CTDSPL2: variants seen among roughly 807,000 people sequenced by gnomAD.
CTDSPL2 encodes CTD small phosphatase like 2.
In CTDSPL2, 5 loss-of-function variants were observed where a neutral mutation model predicts 60.0. The observed-to-expected ratio is 0.08, with a 90% CI of 0.04 to 0.18. The LOEUF is 0.18. CTDSPL2 is among the 10% of genes least tolerant of loss of function. CTDSPL2 has a pLI of 1.00. For synonymous variants in CTDSPL2, 186 were observed against 189.3 expected, an observed-to-expected ratio of 0.98 and a Z score of 0.14; for missense variants, 370 against 548.8, an observed-to-expected ratio of 0.67 and a Z score of 3.26.
intron 12 of CTDSPL2, among the ~76,000 whole-genome samples, chr15:44,522,744 CTT>C (rs2081803793): frequency 6.6e-6 from 1 of 152,110 alleles, no homozygotes; most frequent in South Asian, 2.1e-4. Context: ...CAGAGTGAGA[CTT>C]TGTCTCAAAA....
chr15:44,472,568 G>C (rs1324165214), intron 2 of CTDSPL2, among the ~76,000 whole-genome samples: 2 of 147,502 alleles, frequency 1.4e-5, no homozygotes, highest in African/African-American at 5.0e-5. Context: ...GCATGATCTC[G>C]GTTCATTGCA....
chr15:44,504,593 G>T (rs1649940312), intron 8 of CTDSPL2, among the ~76,000 whole-genome samples: 1 of 152,024 alleles, frequency 6.6e-6, no homozygotes, highest in African/African-American at 2.4e-5. Context: ...AACTTTTGAG[G>T]CCGGGGCAGT....
chr15:44,486,300 T>G (rs764462163), intron 3 of CTDSPL2, among the ~76,000 whole-genome samples: 3 of 152,226 alleles, frequency 2.0e-5, no homozygotes, highest in Non-Finnish European at 2.9e-5. Context: ...TTTCAGTCTA[T>G]AGGTGTAAAT....
rs746738638 is a variant in CTDSPL2 at position 44,499,831 on chromosome 15, G to T, written c.969+18G>T. 18 of 1,495,072 alleles carry T rather than the reference G, an allele frequency of 1.2e-5. No individual in the cohort carries two copies. The highest frequency in any genetic ancestry group is 1.6e-5 in the Non-Finnish European group (17 of 1,077,790). 92.6% of individuals were successfully genotyped at this position (1,495,072 alleles called of 1,614,324 possible). On this transcript the variant is annotated intron_variant, in intron 8 of 12. Transcript: ENST00000260327. ...TTTATCAGGTAATTAAAATTTTTTT[G>T]ATGATTTTTGGCCTGATAGGTAACA... is the stretch of plus-strand genomic sequence containing the variant.
At chr15:44,467,661 C>T (rs865783652) in intron 2 of CTDSPL2, among the ~76,000 whole-genome samples, 2 of 152,124 alleles carry the variant, frequency 1.3e-5, no homozygotes, top group Non-Finnish European at 2.9e-5. Flanking sequence ...ACAACCTCTG[C>T]CTCCTGGGTT....
chr15:44,462,601 C>T (rs909670549), intron 2 of CTDSPL2, among the ~76,000 whole-genome samples: 1 of 151,698 alleles, frequency 6.6e-6, no homozygotes, highest in Non-Finnish European at 1.5e-5. Context: ...GCTGGCTCAC[C>T]GCTCACCTCC....
intron 1 of CTDSPL2, among the ~76,000 whole-genome samples, chr15:44,430,044 C>T (rs1466150907): frequency 6.6e-6 from 1 of 152,070 alleles, no homozygotes; most frequent in Admixed American, 6.5e-5. Context: ...TACTGTTTTC[C>T]CACTGTTAAG....
rs35540014 is a variant in CTDSPL2 at position 44,461,573 on chromosome 15, CTTTTTTTTTTTTTTTTTT to C, written c.186+2380_186+2397del. Among the ~76,000 whole-genome samples, 9 of 125,670 alleles carry C rather than the reference CTTTTTTTTTTTTTTTTTT, an allele frequency of 7.2e-5. 1 individual carries two copies. Among genetic ancestry groups the C allele is most frequent in the African/African-American group, 2.7e-4 (9 of 33,544 alleles). The allele number at this position is 125,670 out of a possible 152,430, so 82.4% of individuals were successfully genotyped here. ...CCAGCTATTTTTAAAGTTTCTCTCC[CTTTTTTTTTTTTTTTTTT>C]TTTTTTAAAGAGATGAGGTCTCATT... On this transcript the variant is annotated intron_variant, in intron 2 of 12. Coordinates refer to ENST00000260327, the MANE Select transcript of CTDSPL2 (RefSeq NM_016396.3).
At chr15:44,429,543 C>T (rs1016458270) in intron 1 of CTDSPL2, among the ~76,000 whole-genome samples, 3 of 152,174 alleles carry the variant, frequency 2.0e-5, no homozygotes, top group African/African-American at 7.2e-5. Context: ...TCAGTACTTG[C>T]ACTCTTTTAA....
intron 1 of CTDSPL2, among the ~76,000 whole-genome samples, chr15:44,442,151 G>T (rs2141282580): frequency 6.6e-6 from 1 of 152,032 alleles, no homozygotes; most frequent in African/African-American, 2.4e-5. Flanking sequence ...ATTCCTAGGG[G>T]GAAAAAACAT....
intron 1 of CTDSPL2, among the ~76,000 whole-genome samples, chr15:44,456,871 T>C (rs28778569): frequency 6.8e-6 from 1 of 148,080 alleles, no homozygotes; most frequent in South Asian, 2.1e-4. Context: ...TTTTTCTTTT[T>C]TTTTTTGTTT....
chr15:44,491,092 C>A, intron 5 of CTDSPL2, 93 bp downstream of exon 5: 2 of 891,128 alleles, frequency 2.2e-6, no homozygotes, highest in Non-Finnish European at 3.4e-6. Flanking sequence ...ACATTATATG[C>A]ATAGGTTTTT....
At chr15:44,479,247 C>T (rs1464768433) in intron 2 of CTDSPL2, among the ~76,000 whole-genome samples, 1 of 151,750 alleles carries the variant, frequency 6.6e-6, no homozygotes, top group Admixed American at 6.6e-5. Flanking sequence ...GTTCATTTTA[C>T]CCTCTTTCTT....
chr15:44,487,252 G>A (rs2140794132), intron 4 of CTDSPL2, among the ~76,000 whole-genome samples: 1 of 152,198 alleles, frequency 6.6e-6, no homozygotes, highest in Non-Finnish European at 1.5e-5. Flanking sequence ...GCAGGAGTTT[G>A]AGACTAGCCT....
Position 44,459,196 on chromosome 15 carries a change from C to G in CTDSPL2, c.182C>G (p.Pro61Arg), listed in dbSNP as rs1223321023. 1.3e-6 allele frequency: 2 copies of G among 1,599,210 alleles called. No homozygotes were observed. Among genetic ancestry groups the G allele is most frequent in the South Asian group, 2.2e-5 (2 of 89,264 alleles). The part of the protein sequence containing the change: ...SIKKFIKGST[P>R]KEERENPSKR... ...AAAAAATTTATTAAAGGAAGCACAC[C>G]TAAGGTAATGATTTTACCATATACT... Residue 61 changes from proline to arginine, a missense_variant, in exon 2 of 13, where the codon CCT (proline) becomes CGT (arginine). Pro to Arg is a moderately radical substitution (Grantham distance 103, BLOSUM62 -2). Around this residue, in one of 6 missense-constraint regions of CTDSPL2, gnomAD observed 287 missense variants for 296.1 expected, o/e 0.97. Coordinates refer to ENST00000260327, the MANE Select transcript of CTDSPL2 (RefSeq NM_016396.3).
chr15:44,437,356 C>A (rs2079998886), intron 1 of CTDSPL2, among the ~76,000 whole-genome samples: 1 of 152,158 alleles, frequency 6.6e-6, no homozygotes, highest in Non-Finnish European at 1.5e-5. Context: ...GAAATGTGTG[C>A]ATTCAAGACC....
chr15:44,509,949 T>C (rs1281520050), intron 8 of CTDSPL2, among the ~76,000 whole-genome samples: 2 of 151,580 alleles, frequency 1.3e-5, no homozygotes, highest in African/African-American at 4.9e-5. Context: ...ATATATTCAT[T>C]TTCTGTGTAA....
chr15:44,491,430 C>G (rs887695230), intron 5 of CTDSPL2, among the ~76,000 whole-genome samples: 1 of 152,142 alleles, frequency 6.6e-6, no homozygotes, highest in African/African-American at 2.4e-5. Flanking sequence ...CTAGATCTCC[C>G]TATATACCTA....
intron 3 of CTDSPL2, 144 bp downstream of exon 3, chr15:44,484,506 C>A: frequency 1.3e-6 from 1 of 754,156 alleles, no homozygotes; most frequent in Non-Finnish European, 2.1e-6. Context: ...AGGCCGAGGT[C>A]GGCGGATCAT....
Sources: allele counts gnomAD v4.1 joint callset (sites outside exome capture counted in the v4.1 genomes callset), GRCh38; gene constraint gnomAD v4.1.1; regional missense constraint gnomAD v4.1.1; transcripts MANE v1.5; gene names NCBI Gene and HGNC (gene_info 2026-07-23, HGNC 2026-07-21).